RHOBTB3: variants seen among roughly 807,000 people sequenced by gnomAD.
RHOBTB3 encodes rho-related BTB domain-containing protein 3.
RHOBTB3 carries 47 observed loss-of-function variants against 67.2 expected under a neutral mutation model. The ratio of observed to expected loss-of-function variants is 0.70; its 90% CI spans 0.55 to 0.89. The LOEUF (loss-of-function observed/expected upper bound fraction) is 0.89. Ranked by LOEUF, RHOBTB3 falls within the 40% of genes least tolerant of loss-of-function variation. RHOBTB3 has a pLI of 0.00. For synonymous variants in RHOBTB3, 273 were observed against 274.2 expected (o/e 1.00, Z 0.04); for missense variants, 631 against 750.0 (o/e 0.84, Z 1.85).
chr5:95,731,731 C>G (rs528209031), intron 1 of RHOBTB3, 47 bp downstream of exon 1: 3 of 1,612,412 alleles, frequency 1.9e-6, no homozygotes, highest in Non-Finnish European at 2.5e-6. Flanking sequence ...CAGCGCGTGC[C>G]GTGCGCCCCA....
At chr5:95,751,492 T>C (rs1241965748) in intron 4 of RHOBTB3, 5 of 150,786 alleles carry the variant, frequency 3.3e-5, no homozygotes, top group Non-Finnish European at 5.9e-5. Flanking sequence ...AGAATATATA[T>C]ATATATTTGT....
At position 95,796,045 on chromosome 5, in the gene RHOBTB3, A is replaced by G. The variant is rs2112848907; in HGVS notation, c.*2871A>G. ...TATAGAATTCTCCATAACATGAATG[A>G]AATTAATTCTGTCCAAGCCAGCATG... On this transcript the variant is annotated 3_prime_UTR_variant, in exon 12 of 12. Transcript: ENST00000379982. 6.6e-6 allele frequency: 1 copy of G among 152,362 alleles called. No individual in the cohort carries two copies. Among genetic ancestry groups the G allele is most frequent in the East Asian group, 1.9e-4 (1 of 5,190 alleles). 9.4% of individuals were successfully genotyped at this position (152,362 alleles called of 1,614,324 possible). A position where few individuals can be genotyped will look rare whatever the true frequency, so the allele number is the denominator to read the frequency against.
chr5:95,754,233 T>G (rs1745178685), intron 5 of RHOBTB3, among the ~76,000 whole-genome samples: 1 of 152,252 alleles, frequency 6.6e-6, no homozygotes, highest in African/African-American at 2.4e-5. Context: ...TTTCTTGTAC[T>G]CTTCTGTTAA....
chr5:95,740,286 C>G (rs1179117503), intron 3 of RHOBTB3, among the ~76,000 whole-genome samples: 1 of 152,110 alleles, frequency 6.6e-6, no homozygotes, highest in East Asian at 1.9e-4. Flanking sequence ...TGAGAACAGA[C>G]TAATACAACC....
chr5:95,791,634 A>G (rs979384369), intron 11 of RHOBTB3, among the ~76,000 whole-genome samples: 30 of 152,252 alleles, frequency 2.0e-4, no homozygotes, highest in African/African-American at 7.2e-4. Flanking sequence ...AGAATCAAGT[A>G]ATTCTCCTGC....
At chr5:95,737,303 G>C (rs1435524014) in intron 3 of RHOBTB3, among the ~76,000 whole-genome samples, 1 of 152,128 alleles carries the variant, frequency 6.6e-6, no homozygotes, top group African/African-American at 2.4e-5. Context: ...CTTCTAAATG[G>C]CTCTTCTACA....
intron 4 of RHOBTB3, among the ~76,000 whole-genome samples, chr5:95,749,333 A>G (rs1442706577): frequency 6.6e-6 from 1 of 151,564 alleles, no homozygotes; most frequent in Non-Finnish European, 1.5e-5. Context: ...TTCATTATGT[A>G]AATTCATGTT....
At chr5:95,778,177 C>T (rs1029888823) in intron 8 of RHOBTB3, among the ~76,000 whole-genome samples, 3 of 151,922 alleles carry the variant, frequency 2.0e-5, no homozygotes, top group African/African-American at 4.8e-5. Context: ...TTCCAAGGAC[C>T]TCCTGCAGAT....
chr5:95,731,570 G>A lies in RHOBTB3; in HGVS notation c.-113G>A. 1 of 1,507,798 alleles carries A rather than the reference G, an allele frequency of 6.6e-7. No homozygotes were observed. The highest frequency in any genetic ancestry group is 8.9e-7 in the Non-Finnish European group (1 of 1,127,980). The allele number at this position is 1,507,798 out of a possible 1,614,324, so 93.4% of individuals were successfully genotyped here. On this transcript the variant is annotated 5_prime_UTR_variant, in exon 1 of 12. Transcript: ENST00000379982. Reference sequence around the variant, plus strand: ...CCCGCCGCGGTGGAGGCGCGCGAGGGGGACGCGGCCGGGGATGAGCGGATT... The same window carrying A: ...CCCGCCGCGGTGGAGGCGCGCGAGGAGGACGCGGCCGGGGATGAGCGGATT...
rs894270289 is a variant in RHOBTB3, at chr5:95,794,768, C to T, written c.*1594C>T. Reference sequence around the variant, plus strand: ...ATGGTTTTATAGTATAATATTGGGACCCCATACCGTTAGCCCTTGTATGTA... The same window carrying T: ...ATGGTTTTATAGTATAATATTGGGATCCCATACCGTTAGCCCTTGTATGTA... On this transcript the variant is annotated 3_prime_UTR_variant, in exon 12 of 12. Coordinates refer to ENST00000379982, the MANE Select transcript of RHOBTB3 (RefSeq NM_014899.4). 2 of 152,118 alleles carry T rather than the reference C, an allele frequency of 1.3e-5. No homozygotes were observed. The highest frequency in any genetic ancestry group is 4.8e-5 in the African/African-American group (2 of 41,414). The allele number at this position is 152,118 out of a possible 1,614,324, so 9.4% of individuals were successfully genotyped here.
At chr5:95,745,922 A>G (rs1467944966) in intron 3 of RHOBTB3, among the ~76,000 whole-genome samples, 6 of 152,158 alleles carry the variant, frequency 3.9e-5, no homozygotes, top group African/African-American at 1.4e-4. Flanking sequence ...GAATATAGGA[A>G]TGGTTCAAAA....
chr5:95,743,498 C>T (rs1366562165), intron 3 of RHOBTB3, among the ~76,000 whole-genome samples: 2 of 152,042 alleles, frequency 1.3e-5, no homozygotes, highest in African/African-American at 4.8e-5. Flanking sequence ...CTCAGAGCTT[C>T]AGGAGGCCTC....
chr5:95,723,304 G>C (rs147638759), intron 1 of RHOBTB3, among the ~76,000 whole-genome samples: 5 of 152,350 alleles, frequency 3.3e-5, no homozygotes, highest in Non-Finnish European at 7.4e-5. Context: ...CCACAGGTTG[G>C]ACAAGCTTAC....
intron 10 of RHOBTB3, among the ~76,000 whole-genome samples, chr5:95,787,118 T>C (rs956416772): frequency 2.0e-5 from 3 of 152,266 alleles, no homozygotes; most frequent in African/African-American, 7.2e-5. Context: ...TTAAGCATGC[T>C]TTGTAGCCAG....
At chr5:95,775,237 C>T (rs1745833689) in intron 8 of RHOBTB3, among the ~76,000 whole-genome samples, 1 of 152,018 alleles carries the variant, frequency 6.6e-6, no homozygotes, top group East Asian at 1.9e-4. Context: ...TCTAAAAACC[C>T]AAAATCCAAA....
At position 95,795,522 on chromosome 5, in the gene RHOBTB3, T is replaced by TA. The variant is rs1216810991; in HGVS notation, c.*2349dup. The stretch of plus-strand genomic sequence containing the variant: ...TACTATTTAATGTTTAACTAGACTA[T>TA]AGGTAGTTCCTTAAGGTTGTTTGAC... On this transcript the variant is annotated 3_prime_UTR_variant, in exon 12 of 12. Transcript: ENST00000379982. 1 of 152,260 alleles carries TA rather than the reference T, an allele frequency of 6.6e-6. No homozygotes were observed. The highest frequency in any genetic ancestry group is 1.9e-4 in the East Asian group (1 of 5,206). The allele number at this position is 152,260 out of a possible 1,614,324, so 9.4% of individuals were successfully genotyped here. A position where few individuals can be genotyped will look rare whatever the true frequency, so the allele number is the denominator to read the frequency against.
At chr5:95,739,448 A>G (rs1487035350) in intron 3 of RHOBTB3, among the ~76,000 whole-genome samples, 1 of 152,228 alleles carries the variant, frequency 6.6e-6, no homozygotes, top group Non-Finnish European at 1.5e-5. Flanking sequence ...AAAACCCACA[A>G]AATAACAGAT....
At chr5:95,739,726 A>G (rs993534553) in intron 3 of RHOBTB3, among the ~76,000 whole-genome samples, 17 of 152,010 alleles carry the variant, frequency 1.1e-4, no homozygotes, top group Non-Finnish European at 1.6e-4. Flanking sequence ...CAGTTTTTTT[A>G]TAGAAACGAA....
At chr5:95,780,596 T>G (rs1263685059) in intron 9 of RHOBTB3, among the ~76,000 whole-genome samples, 171 bp downstream of exon 9, 1 of 152,182 alleles carries the variant, frequency 6.6e-6, no homozygotes, top group Non-Finnish European at 1.5e-5. Context: ...TTTCATTCAG[T>G]TCAAGTGGAA....
Sources: allele counts gnomAD v4.1 joint callset (sites outside exome capture counted in the v4.1 genomes callset), GRCh38; gene constraint gnomAD v4.1.1; transcripts MANE v1.5; gene names NCBI Gene and HGNC (gene_info 2026-07-23, HGNC 2026-07-21).